PGAP3: variants seen among roughly 807,000 people sequenced by gnomAD.
PGAP3 encodes the protein post-GPI attachment to proteins phospholipase 3.
Under a neutral mutation model 40.3 loss-of-function variants are expected in PGAP3, and 31 were observed. That is an observed-to-expected ratio of 0.77 (90% CI 0.58 to 1.04). PGAP3 has a LOEUF of 1.04. PGAP3 is among the 50% of genes least tolerant of loss of function. The pLI, the probability that PGAP3 is intolerant of heterozygous loss-of-function variation, is 0.00. For missense variants in PGAP3, 413 were observed against 423.0 expected (o/e 0.98, Z 0.21); for synonymous variants, 191 against 184.5 (o/e 1.04, Z -0.29).
Position 39,673,525 on chromosome 17 carries a change from T to G in PGAP3, c.683A>C (p.Asn228Thr), listed in dbSNP as rs142596676. 16 of 1,613,938 alleles carry G rather than the reference T, an allele frequency of 9.9e-6. No homozygotes were observed. In the South Asian group the frequency reaches 1.2e-4, roughly 12 times the overall value. The change falls in exon 6 of 8, where the codon AAC becomes ACC. Residue 228 changes from asparagine (N) to threonine (T), a missense_variant. Physicochemically the swap from Asn to Thr is moderately conservative, Grantham distance 65 (BLOSUM62 0). Coordinates refer to ENST00000300658, the MANE Select transcript of PGAP3 (RefSeq NM_033419.5). The stretch of plus-strand genomic sequence containing the variant: ...CCCCAGGGCCTCACCAATAGCCACG[T>G]TGGCCACCAGGTTGTAGCCATAGTC... ...RFDYGYNLVANVAIGLVNVVW... is the reference protein window; with the variant it reads ...RFDYGYNLVATVAIGLVNVVW...
chr17:39,684,620 G>C lies in PGAP3; in HGVS notation c.409C>G (p.His137Asp). The change falls in exon 3 of 8, where the codon CAC (histidine) becomes GAC (aspartate). Residue 137 changes from histidine (H) to aspartate (D), a missense_variant. Physicochemically the swap from His to Asp is moderately conservative, Grantham distance 81. Coordinates refer to ENST00000300658, the MANE Select transcript of PGAP3 (RefSeq NM_033419.5). ...ACCCAGGCGAAGGCCACACAGGTGT[G>C]GTACATGGGGGAGGAGGCTGGCACG... The part of the protein sequence containing the change: ...TFVPASSPMY[H>D]TCVAFAWVSL... 9 of 1,613,706 alleles carry C rather than the reference G, an allele frequency of 5.6e-6. No individual in the cohort carries two copies. Among genetic ancestry groups the C allele is most frequent in the Non-Finnish European group, 6.8e-6 (8 of 1,179,836 alleles).
rs551783411 is a variant in PGAP3 at position 39,676,020 on chromosome 17, C to T, written c.433-1341G>A. Among the ~76,000 whole-genome samples, 9 of 152,340 alleles carry T rather than the reference C, an allele frequency of 5.9e-5. No homozygotes were observed. The South Asian group carries it at 1.9e-3, about 32-fold the overall frequency. On this transcript the variant is annotated intron_variant, in intron 3 of 7. Transcript: ENST00000300658. ...AGGTGGTGTGGTCTAGGGCAGGCTG[C>T]TTCCTCCTTTGAGGATGGCCACTCT... is the stretch of plus-strand genomic sequence containing the variant.
intron 2 of PGAP3, among the ~76,000 whole-genome samples, chr17:39,685,215 C>T (rs961274499): frequency 9.2e-5 from 14 of 151,592 alleles, no homozygotes; most frequent in Admixed American, 5.3e-4. Flanking sequence ...CGGTGGCTCA[C>T]GCCTGTAATC....
At chr17:39,677,230 TG>T (rs755725215) in intron 3 of PGAP3, among the ~76,000 whole-genome samples, 21 of 152,218 alleles carry the variant, frequency 1.4e-4, no homozygotes, top group Non-Finnish European at 2.6e-4. Context: ...GAATGGCTGC[TG>T]GTTTTGCTGC....
At position 39,673,513 on chromosome 17, in the gene PGAP3, C is replaced by T. The variant is rs144574243; in HGVS notation, c.694+1G>A. On this transcript the variant is annotated splice_donor_variant, in intron 6 of 7. Transcript: ENST00000300658. LOFTEE classifies it high-confidence loss of function. ...ATGGCCCAAGCCCCCCAGGGCCTCA[C>T]CAATAGCCACGTTGGCCACCAGGTT... is the stretch of plus-strand genomic sequence containing the variant. 2.1e-5 allele frequency: 34 copies of T among 1,613,954 alleles called. No homozygotes were observed. Among genetic ancestry groups the T allele is most frequent in the Non-Finnish European group, 2.5e-5 (30 of 1,179,998 alleles).
chr17:39,686,927 T>C lies in PGAP3; in HGVS notation c.181+907A>G, dbSNP rs532212527. 3.3e-5 allele frequency among the ~76,000 whole-genome samples: 5 copies of C among 152,182 alleles called. No homozygotes were observed. In the East Asian group the frequency reaches 7.7e-4, roughly 24 times the overall value. On this transcript the variant is annotated intron_variant, in intron 1 of 7. Coordinates refer to ENST00000300658, the MANE Select transcript of PGAP3 (RefSeq NM_033419.5). ...TTTGCTCTTACTCTCCTGGAAGGAG[T>C]TCTTGCTATCTTACTCCCTTCCTAT... is the stretch of plus-strand genomic sequence containing the variant.
At chr17:39,679,456 A>AAGG (rs1346281014) in intron 3 of PGAP3, among the ~76,000 whole-genome samples, 2 of 152,188 alleles carry the variant, frequency 1.3e-5, no homozygotes, top group Non-Finnish European at 2.9e-5. Context: ...CCGATCTAAG[A>AAGG]AGGCTCTAAG....
rs1432683660 is a variant in PGAP3 at position 39,684,729 on chromosome 17, C to T, written c.300G>A (p.Leu100=). 1.2e-6 allele frequency: 2 copies of T among 1,609,406 alleles called. No individual in the cohort carries two copies. Among genetic ancestry groups the T allele is most frequent in the African/African-American group, 2.7e-5 (2 of 74,794 alleles). Residue 100 remains leucine, a synonymous_variant, in exon 3 of 8, where the codon CTG becomes CTA. Coordinates refer to ENST00000300658, the MANE Select transcript of PGAP3 (RefSeq NM_033419.5). ...FHGKWPFSRF[L]FFQEPASAVA... ...CGGCCGATGCCGGCTCTTGAAAGAA[C>T]AGGAACCGGGAGAAGGGCCACTGAA...
chr17:39,681,385 T>C (rs1230966077), intron 3 of PGAP3, among the ~76,000 whole-genome samples: 1 of 152,144 alleles, frequency 6.6e-6, no homozygotes, highest in South Asian at 2.1e-4. Flanking sequence ...AGAATAATAA[T>C]ACCTATAAGC....
At chr17:39,678,153 CTT>C (rs1193230301) in intron 3 of PGAP3, among the ~76,000 whole-genome samples, 3 of 152,230 alleles carry the variant, frequency 2.0e-5, no homozygotes, top group Admixed American at 2.0e-4. Context: ...TCCACTAGCT[CTT>C]GTCTGACCAT....
At chr17:39,678,927 A>G (rs1206092332) in intron 3 of PGAP3, among the ~76,000 whole-genome samples, 1 of 151,848 alleles carries the variant, frequency 6.6e-6, no homozygotes, top group Non-Finnish European at 1.5e-5. Flanking sequence ...TACCACCCCA[A>G]CATCTAACAT....
At chr17:39,685,894 A>G in intron 2 of PGAP3, 28 bp downstream of exon 2, 1 of 1,593,798 alleles carries the variant, frequency 6.3e-7, no homozygotes, top group Non-Finnish European at 8.6e-7. Context: ...CGCTACTACC[A>G]TATGCCTACC....
intron 3 of PGAP3, among the ~76,000 whole-genome samples, chr17:39,682,000 C>T (rs1369123855): frequency 6.6e-6 from 1 of 151,448 alleles, no homozygotes; most frequent in Non-Finnish European, 1.5e-5. Flanking sequence ...GCAGGCGGAT[C>T]ACGAGATCAG....
chr17:39,686,056 C>A, intron 1 of PGAP3, 37 bp from the exon 2 acceptor site: 1 of 1,570,432 alleles, frequency 6.4e-7, no homozygotes, highest in Non-Finnish European at 8.7e-7. Flanking sequence ...AACTCCCCAG[C>A]ACAGAGAGGA....
intron 5 of PGAP3, 108 bp downstream of exon 5, chr17:39,673,885 G>A (rs2057342116): frequency 1.5e-6 from 2 of 1,362,706 alleles, no homozygotes; most frequent in East Asian, 2.5e-5. Context: ...GGGTTGGGGG[G>A]CGTAGGTGTT....
chr17:39,680,122 C>T (rs147254219), intron 3 of PGAP3, among the ~76,000 whole-genome samples: 2 of 152,296 alleles, frequency 1.3e-5, no homozygotes, highest in East Asian at 3.9e-4. Flanking sequence ...AGTGCTAAAC[C>T]CTGTCTCCAC....
At chr17:39,674,082 C>G (rs1336704512) in intron 4 of PGAP3, 28 bp from the exon 5 acceptor site, 2 of 1,607,234 alleles carry the variant, frequency 1.2e-6, no homozygotes, top group South Asian at 2.2e-5. Context: ...TGGTGAGGGA[C>G]CAGCATGAGG....
At chr17:39,687,579 G>C (rs547297049) in intron 1 of PGAP3, among the ~76,000 whole-genome samples, 1 of 152,326 alleles carries the variant, frequency 6.6e-6, no homozygotes, top group African/African-American at 2.4e-5. Context: ...ACCCTGGTCT[G>C]ATTTCTGTGC....
intron 5 of PGAP3, 149 bp downstream of exon 5, chr17:39,673,831 CAGTCCTACCCCAG>C: frequency 8.4e-7 from 1 of 1,194,570 alleles, no homozygotes; most frequent in Non-Finnish European, 1.2e-6. Context: ...CCAGGGCCCC[CAGTCCTACCCCAG>C]AGTCCTCACC....
Sources: gnomAD v4.1 joint callset for allele counts (sites outside exome capture counted in the v4.1 genomes callset) on GRCh38, gnomAD v4.1.1 for gene constraint, MANE v1.5 for transcripts, NCBI Gene and HGNC (gene_info 2026-07-23, HGNC 2026-07-21) for gene names.